GRIA4: variants seen among roughly 807,000 people sequenced by gnomAD.
GRIA4 encodes the protein glutamate receptor 4.
In GRIA4, 34 loss-of-function variants were observed where a neutral mutation model predicts 104.0. The observed-to-expected ratio is 0.33, with a 90% confidence interval of 0.25 to 0.44. The LOEUF (loss-of-function observed/expected upper bound fraction) is 0.44. GRIA4 is among the 20% of genes least tolerant of loss of function. The pLI is 1.00. For missense variants in GRIA4, 750 were observed against 1,096.5 expected (o/e 0.68, Z 4.46); for synonymous variants, 386 against 381.9 (o/e 1.01, Z -0.13).
At chr11:105,818,854 T>A (rs931311798) in intron 4 of GRIA4, among the ~76,000 whole-genome samples, 2 of 152,202 alleles carry the variant, frequency 1.3e-5, no homozygotes, top group African/African-American at 2.4e-5. Flanking sequence ...AGCAGTTTGA[T>A]ATGGGATTTT....
chr11:105,627,824 A>G (rs1373572169), intron 3 of GRIA4, among the ~76,000 whole-genome samples: 1 of 152,206 alleles, frequency 6.6e-6, no homozygotes, highest in African/African-American at 2.4e-5. Context: ...AAATCTCCCT[A>G]CAGATTAATA....
At chr11:105,838,942 A>G (rs1476567528) in intron 4 of GRIA4, among the ~76,000 whole-genome samples, 1 of 152,146 alleles carries the variant, frequency 6.6e-6, no homozygotes, top group Admixed American at 6.5e-5. Context: ...TGCTGCTAAC[A>G]CAGCTTACTT....
chr11:105,757,684 T>C (rs1021575868), intron 4 of GRIA4, among the ~76,000 whole-genome samples: 2 of 152,094 alleles, frequency 1.3e-5, no homozygotes, highest in African/African-American at 4.8e-5. Context: ...TGGACACACA[T>C]TGTTGACTGA....
chr11:105,811,222 G>C (rs1943159701), intron 4 of GRIA4, among the ~76,000 whole-genome samples: 1 of 152,134 alleles, frequency 6.6e-6, no homozygotes, highest in South Asian at 2.1e-4. Flanking sequence ...TGAGATTCGA[G>C]GGTAAGGAAA....
At chr11:105,743,871 T>C (rs549389341) in intron 3 of GRIA4, among the ~76,000 whole-genome samples, 2 of 152,324 alleles carry the variant, frequency 1.3e-5, no homozygotes, top group East Asian at 3.9e-4. Flanking sequence ...TTCAATAATT[T>C]ATTAGATTCT....
chr11:105,957,127 G>A (rs909222375), intron 14 of GRIA4, among the ~76,000 whole-genome samples: 1 of 152,104 alleles, frequency 6.6e-6, no homozygotes, highest in Non-Finnish European at 1.5e-5. Flanking sequence ...GATCCCATTT[G>A]CCAATTTTTG....
Position 105,626,208 on chromosome 11 carries a change from G to A in GRIA4, c.247+13774G>A, listed in dbSNP as rs138315894. 1.9e-3 allele frequency among the ~76,000 whole-genome samples: 296 copies of A among 151,992 alleles called. 2 individuals are homozygous for A. The highest frequency in any genetic ancestry group is 3.6e-3 in the Non-Finnish European group (243 of 67,942). ...TTAAAGTAAAACAAACATAAGGGCC[G>A]TGAAATCTTGCAGAAATATTTCAGT... is the stretch of plus-strand genomic sequence containing the variant. On this transcript the variant is annotated intron_variant, in intron 3 of 16. Transcript: ENST00000282499.
intron 3 of GRIA4, among the ~76,000 whole-genome samples, chr11:105,723,212 T>C (rs1259175323): frequency 6.6e-6 from 1 of 152,100 alleles, no homozygotes; most frequent in Non-Finnish European, 1.5e-5. Flanking sequence ...AATGTCAATT[T>C]AATCAAATTA....
At chr11:105,855,431 T>C (rs1944974807) in intron 4 of GRIA4, among the ~76,000 whole-genome samples, 4 of 152,140 alleles carry the variant, frequency 2.6e-5, no homozygotes, top group South Asian at 2.1e-4. Context: ...GTGAGCTTTA[T>C]ATAATGTGAT....
intron 2 of GRIA4, among the ~76,000 whole-genome samples, chr11:105,611,535 G>T (rs551439113): frequency 5.3e-5 from 8 of 152,238 alleles, no homozygotes; most frequent in African/African-American, 1.9e-4. Flanking sequence ...TGAGGAAAAA[G>T]ACATTTCCAC....
At chr11:105,687,481 G>A (rs138143214) in intron 3 of GRIA4, among the ~76,000 whole-genome samples, 14 of 152,280 alleles carry the variant, frequency 9.2e-5, no homozygotes, top group African/African-American at 3.1e-4. Flanking sequence ...GAAGAGACCA[G>A]GAAGATTCTG....
intron 4 of GRIA4, among the ~76,000 whole-genome samples, chr11:105,843,705 T>C (rs1278273640): frequency 1.1e-4 from 17 of 152,180 alleles, no homozygotes; most frequent in Admixed American, 7.2e-4. Context: ...AGTAGTTTCA[T>C]AGGTTTCTGA....
chr11:105,761,716 T>C (rs990618146), intron 4 of GRIA4, among the ~76,000 whole-genome samples: 5 of 152,224 alleles, frequency 3.3e-5, no homozygotes, highest in Admixed American at 6.5e-5. Context: ...AAAATGCTAA[T>C]CTTCTTTTGT....
Position 105,808,345 on chromosome 11 carries a change from A to C in GRIA4, c.488-53679A>C, listed in dbSNP as rs185187366. 2.6e-5 allele frequency among the ~76,000 whole-genome samples: 4 copies of C among 152,184 alleles called. No individual in the cohort carries two copies. In the East Asian group the frequency reaches 7.7e-4, roughly 29 times the overall value. ...GGGTGACTTTTAATGTGGCCCAGGT[A>C]CTTGAAGTCCTTTCTCCCTGGATCC... On this transcript the variant is annotated intron_variant, in intron 4 of 16. Transcript: ENST00000282499.
At chr11:105,930,483 A>G (rs1452965126) in intron 13 of GRIA4, among the ~76,000 whole-genome samples, 1 of 152,068 alleles carries the variant, frequency 6.6e-6, no homozygotes, top group Non-Finnish European at 1.5e-5. Context: ...AGTTCAACTT[A>G]TTTTGCATTT....
At chr11:105,899,740 A>G (rs1946789582) in intron 7 of GRIA4, among the ~76,000 whole-genome samples, 1 of 152,190 alleles carries the variant, frequency 6.6e-6, no homozygotes, top group Non-Finnish European at 1.5e-5. Context: ...ACTATTCAGT[A>G]TATAACCTTG....
rs981169977 is a variant in GRIA4, at chr11:105,981,392, T to A, written c.*1653T>A. ...AAAGCCATGCACATCAGTGGCTCAT[T>A]TAAGGAATGAATGCCATTAGATGGG... is the stretch of plus-strand genomic sequence containing the variant. On this transcript the variant is annotated 3_prime_UTR_variant, in exon 17 of 17. Transcript: ENST00000282499. The A allele has an allele frequency of 7.2e-5, 11 of 152,474 alleles. No individual in the cohort carries two copies. The highest frequency in any genetic ancestry group is 2.7e-4 in the African/African-American group (11 of 41,382). The allele number at this position is 152,474 out of a possible 1,614,324, so 9.4% of individuals were successfully genotyped here. A position where few individuals can be genotyped will look rare whatever the true frequency, so the allele number is the denominator to read the frequency against.
At chr11:105,845,692 G>A (rs1195082006) in intron 4 of GRIA4, among the ~76,000 whole-genome samples, 1 of 152,094 alleles carries the variant, frequency 6.6e-6, no homozygotes, top group Non-Finnish European at 1.5e-5. Flanking sequence ...GACCATCCTG[G>A]CTAATACGGT....
chr11:105,755,641 T>C (rs1940261294), intron 4 of GRIA4, among the ~76,000 whole-genome samples: 1 of 152,194 alleles, frequency 6.6e-6, no homozygotes, highest in African/African-American at 2.4e-5. Flanking sequence ...TAAAACATTA[T>C]TTCTGAATGT....
Sources: allele counts gnomAD v4.1 joint callset (sites outside exome capture counted in the v4.1 genomes callset), GRCh38; gene constraint gnomAD v4.1.1; transcripts MANE v1.5; gene names NCBI Gene and HGNC (gene_info 2026-07-23, HGNC 2026-07-21).